Variants in XKR9 observed in about 807,000 individuals in gnomAD.
XKR9 encodes the protein XK related 9.
XKR9 carries 32 observed loss-of-function variants against 32.0 expected under a neutral mutation model. The ratio of observed to expected loss-of-function variants is 1.00; its 90% CI spans 0.76 to 1.34. The LOEUF (loss-of-function observed/expected upper bound fraction) is 1.34. Ranked by LOEUF, XKR9 falls within the 40% of genes most tolerant of loss-of-function variation. The pLI, the probability that XKR9 is intolerant of heterozygous loss-of-function variation, is 0.00. For synonymous variants in XKR9, 168 were observed against 143.4 expected (o/e 1.17, Z -1.22); for missense variants, 546 against 429.7 (o/e 1.27, Z -2.39).
chr8:70,796,487 G>A, the XKR9 span, among the ~76,000 whole-genome samples: 1 of 151,850 alleles, frequency 6.6e-6, no homozygotes, highest in Non-Finnish European at 1.5e-5. Context: ...TCTTGCTAAA[G>A]GTTGGTTTAC....
chr8:70,782,085 G>A (rs1304721312), intron 2 of XKR9, among the ~76,000 whole-genome samples: 1 of 152,150 alleles, frequency 6.6e-6, no homozygotes, highest in Non-Finnish European at 1.5e-5. Context: ...AAGTCCTGCA[G>A]AGGCTGTCAC....
chr8:70,723,947 G>A (rs926654665), intron 4 of XKR9, among the ~76,000 whole-genome samples: 5 of 151,036 alleles, frequency 3.3e-5, no homozygotes, highest in Non-Finnish European at 7.4e-5. Flanking sequence ...GTGCAGTGGC[G>A]GTGGGAACGT....
the XKR9 span, among the ~76,000 whole-genome samples, chr8:70,855,445 T>C: frequency 1.3e-5 from 2 of 151,958 alleles, no homozygotes; most frequent in African/African-American, 4.8e-5. Context: ...TAAAAAGAAA[T>C]GAACAAAGCC....
the XKR9 span, among the ~76,000 whole-genome samples, chr8:70,848,041 G>A: frequency 6.6e-6 from 1 of 152,056 alleles, no homozygotes; most frequent in African/African-American, 2.4e-5. Context: ...TAATATCACT[G>A]ATGAAATTAG....
At chr8:70,783,249 G>A (rs1163523058) in intron 2 of XKR9, among the ~76,000 whole-genome samples, 2 of 146,642 alleles carry the variant, frequency 1.4e-5, no homozygotes, top group African/African-American at 2.5e-5. Flanking sequence ...TTCTTTTTAA[G>A]ACGGAGTCTG....
At chr8:71,005,225 CT>C in the XKR9 span, among the ~76,000 whole-genome samples, 71 of 130,324 alleles carry the variant, frequency 5.4e-4, no homozygotes, top group South Asian at 1.2e-3. Context: ...TTTTCTTTTT[CT>C]TTTTTTTTTT....
chr8:70,786,820 G>A (rs1349830747), intron 2 of XKR9, among the ~76,000 whole-genome samples: 3 of 151,984 alleles, frequency 2.0e-5, no homozygotes, highest in Non-Finnish European at 4.4e-5. Flanking sequence ...TTACTTTCTT[G>A]TTGTTTTGGA....
At chr8:70,695,169 AT>A (rs200342538) in intron 3 of XKR9, among the ~76,000 whole-genome samples, 1,476 of 144,812 alleles carry the variant, frequency 0.01, 23 homozygotes, top group African/African-American at 0.035. Context: ...TTTTAAAAAA[AT>A]TTTTTTTTAT....
chr8:70,792,851 G>A (rs528671103), downstream of XKR9, among the ~76,000 whole-genome samples: 2 of 152,264 alleles, frequency 1.3e-5, no homozygotes, highest in East Asian at 3.9e-4. Context: ...AGAACACAGT[G>A]AGAAGAAAGC....
intron 2 of XKR9, among the ~76,000 whole-genome samples, chr8:70,755,428 T>C (rs1360622615): frequency 2.6e-5 from 4 of 152,320 alleles, no homozygotes; most frequent in Non-Finnish European, 4.4e-5. Flanking sequence ...CAAAGGACTA[T>C]AAATCATGCT....
chr8:70,966,850 A>G, the XKR9 span, among the ~76,000 whole-genome samples: 64 of 152,206 alleles, frequency 4.2e-4, no homozygotes, highest in African/African-American at 1.5e-3. Flanking sequence ...TTTTTATTGA[A>G]TTGAACACTT....
chr8:70,922,161 C>A, the XKR9 span, among the ~76,000 whole-genome samples: 1 of 152,198 alleles, frequency 6.6e-6, no homozygotes, highest in Non-Finnish European at 1.5e-5. Context: ...CACATCCTAC[C>A]TCCTGCATGC....
chr8:70,788,053 T>A (rs890497008), intron 2 of XKR9, among the ~76,000 whole-genome samples: 1 of 152,112 alleles, frequency 6.6e-6, no homozygotes, highest in African/African-American at 2.4e-5. Flanking sequence ...AATTCAATGA[T>A]AAATAACTTA....
the XKR9 span, among the ~76,000 whole-genome samples, chr8:70,895,804 G>T: frequency 4.0e-5 from 5 of 123,672 alleles, no homozygotes; most frequent in Non-Finnish European, 8.3e-5. Flanking sequence ...GGGCAACATG[G>T]CAAAACCCTA....
chr8:70,929,876 A>G, the XKR9 span, among the ~76,000 whole-genome samples: 1 of 152,200 alleles, frequency 6.6e-6, no homozygotes, highest in Admixed American at 6.5e-5. Context: ...TGGGGCTTTA[A>G]CTGCATCTGC....
At chr8:70,673,917 G>C (rs34558600) in intron 1 of XKR9, among the ~76,000 whole-genome samples, 1 of 152,028 alleles carries the variant, frequency 6.6e-6, no homozygotes, top group Non-Finnish European at 1.5e-5. Context: ...CAACATGCAA[G>C]GTAATGTTGT....
the XKR9 span, among the ~76,000 whole-genome samples, chr8:70,932,522 C>T: frequency 6.6e-6 from 1 of 152,096 alleles, no homozygotes; most frequent in Admixed American, 6.5e-5. Context: ...GCACCAGGAC[C>T]TCTCAATTGC....
chr8:70,703,661 T>A (rs1805617809), intron 3 of XKR9, among the ~76,000 whole-genome samples: 1 of 152,212 alleles, frequency 6.6e-6, no homozygotes, highest in South Asian at 2.1e-4. Context: ...TCACCAATCC[T>A]ACTTTTGTTG....
chr8:70,852,029 GTCTA>G, the XKR9 span, among the ~76,000 whole-genome samples: 4 of 152,096 alleles, frequency 2.6e-5, no homozygotes, highest in African/African-American at 4.8e-5. Context: ...TTTGCAATCT[GTCTA>G]TCTGACAAAG....
Sources: gnomAD v4.1 joint callset for allele counts (sites outside exome capture counted in the v4.1 genomes callset) on GRCh38, gnomAD v4.1.1 for gene constraint, MANE v1.5 for transcripts, NCBI Gene and HGNC (gene_info 2026-07-23, HGNC 2026-07-21) for gene names.